Variants in EPHB1 observed in about 807,000 individuals in gnomAD.
EPHB1 encodes EPH receptor B1.
Under a neutral mutation model 94.4 loss-of-function variants are expected in EPHB1, and 30 were observed. The ratio of observed to expected loss-of-function variants is 0.32; its 90% CI spans 0.24 to 0.43. EPHB1 has a LOEUF of 0.43. EPHB1 is among the 20% of genes least tolerant of loss of function. The pLI is 1.00. For synonymous variants in EPHB1, 522 were observed against 489.1 expected (o/e 1.07, Z -0.89); for missense variants, 1,055 against 1,308.3 (o/e 0.81, Z 2.99).
intron 15 of EPHB1, among the ~76,000 whole-genome samples, chr3:135,250,619 A>C (rs575050271): frequency 6.6e-6 from 1 of 152,220 alleles, no homozygotes; most frequent in South Asian, 2.1e-4. Context: ...GAACCACTGG[A>C]TTAAGGTTGG....
rs527291351 is a variant in EPHB1 at position 135,224,191 on chromosome 3, A to C, written c.2347-16957A>C. 3.9e-5 allele frequency among the ~76,000 whole-genome samples: 6 copies of C among 152,358 alleles called. No homozygotes were observed. In the South Asian group the frequency reaches 1.2e-3, roughly 32 times the overall value. Reference sequence around the variant, plus strand: ...AGCACATACACTCTAAGATATTTGCACAACAACGAAATCATCTAACAACAT... The same window carrying C: ...AGCACATACACTCTAAGATATTTGCCCAACAACGAAATCATCTAACAACAT... On this transcript the variant is annotated intron_variant, in intron 12 of 15. Transcript: ENST00000398015.
intron 6 of EPHB1, among the ~76,000 whole-genome samples, chr3:135,160,891 C>A (rs1371235038): frequency 1.3e-5 from 2 of 152,058 alleles, no homozygotes; most frequent in Non-Finnish European, 2.9e-5. Context: ...AAGAAAAGAG[C>A]CTAAGCAAAT....
chr3:135,222,589 G>C (rs1380589693), intron 12 of EPHB1, among the ~76,000 whole-genome samples: 1 of 152,192 alleles, frequency 6.6e-6, no homozygotes, highest in Non-Finnish European at 1.5e-5. Flanking sequence ...GTGGTTTCCA[G>C]AGCCACTGTG....
At chr3:134,931,594 C>T (rs1248911336) in intron 2 of EPHB1, among the ~76,000 whole-genome samples, 1 of 152,112 alleles carries the variant, frequency 6.6e-6, no homozygotes, top group African/African-American at 2.4e-5. Flanking sequence ...GTAACACTGG[C>T]AGATCTTCAC....
intron 1 of EPHB1, among the ~76,000 whole-genome samples, chr3:134,877,093 G>T (rs989317209): frequency 2.6e-5 from 4 of 152,212 alleles, no homozygotes; most frequent in African/African-American, 9.7e-5. Context: ...GCCATGCTGA[G>T]CAGAGTCTGG....
At chr3:135,092,506 C>T (rs1332811415) in intron 3 of EPHB1, among the ~76,000 whole-genome samples, 1 of 152,196 alleles carries the variant, frequency 6.6e-6, no homozygotes, top group African/African-American at 2.4e-5. Flanking sequence ...CCCTGCTCTG[C>T]CCTCTGAGAA....
At chr3:135,257,891 C>A (rs1933476875) in intron 15 of EPHB1, among the ~76,000 whole-genome samples, 1 of 151,680 alleles carries the variant, frequency 6.6e-6, no homozygotes, top group African/African-American at 2.4e-5. Flanking sequence ...ACCCTCCGAG[C>A]CAGGTGTGGG....
chr3:134,820,513 G>T (rs2036359776), intron 1 of EPHB1, among the ~76,000 whole-genome samples: 2 of 152,168 alleles, frequency 1.3e-5, no homozygotes, highest in South Asian at 4.1e-4. Context: ...ATGCTTAAAG[G>T]TAACTTTTTA....
At chr3:135,088,397 C>A (rs188177940) in intron 3 of EPHB1, among the ~76,000 whole-genome samples, 15 of 152,266 alleles carry the variant, frequency 9.9e-5, no homozygotes, top group African/African-American at 3.4e-4. Context: ...CATATAGTTT[C>A]ATCGAAAAGA....
At chr3:134,991,488 C>T (rs191477055) in intron 3 of EPHB1, among the ~76,000 whole-genome samples, 3 of 152,070 alleles carry the variant, frequency 2.0e-5, no homozygotes, top group South Asian at 4.2e-4. Flanking sequence ...TGTTTCCATA[C>T]GGGCATCAGC....
At chr3:135,198,406 T>C (rs990328728) in intron 11 of EPHB1, among the ~76,000 whole-genome samples, 1 of 152,246 alleles carries the variant, frequency 6.6e-6, no homozygotes, top group Non-Finnish European at 1.5e-5. Flanking sequence ...TCTGTAAGTA[T>C]TATGTGCCAT....
intron 3 of EPHB1, among the ~76,000 whole-genome samples, chr3:135,088,822 C>T (rs555616689): frequency 7.5e-4 from 114 of 152,310 alleles, no homozygotes; most frequent in Non-Finnish European, 1.5e-3. Context: ...AAATAGAAAA[C>T]ATTAGCAAGG....
At chr3:134,854,673 T>C (rs1197046409) in intron 1 of EPHB1, among the ~76,000 whole-genome samples, 4 of 152,258 alleles carry the variant, frequency 2.6e-5, no homozygotes, top group African/African-American at 9.6e-5. Context: ...CCGTGACCCG[T>C]GTAACTGATC....
chr3:135,251,735 G>C (rs1933108758), intron 15 of EPHB1, among the ~76,000 whole-genome samples: 1 of 152,232 alleles, frequency 6.6e-6, no homozygotes, highest in Non-Finnish European at 1.5e-5. Context: ...CTGACTACCA[G>C]CTGAAAAGGG....
At position 134,815,376 on chromosome 3, in the gene EPHB1, G is replaced by T. The variant is rs527643767; in HGVS notation, c.58+19687G>T. Among the ~76,000 whole-genome samples, 12 of 151,822 alleles carry T rather than the reference G, an allele frequency of 7.9e-5. No homozygotes were observed. In the South Asian group the frequency reaches 1.0e-3, roughly 13 times the overall value. On this transcript the variant is annotated intron_variant, in intron 1 of 15. Coordinates refer to ENST00000398015, the MANE Select transcript of EPHB1 (RefSeq NM_004441.5). Reference sequence around the variant, plus strand: ...GAGGAAAATAAACAGATGAATGTGTGTATATAATATAATAAATGTGTATAT... The same window carrying T: ...GAGGAAAATAAACAGATGAATGTGTTTATATAATATAATAAATGTGTATAT...
intron 1 of EPHB1, among the ~76,000 whole-genome samples, chr3:134,888,506 G>A (rs1182686530): frequency 6.6e-6 from 1 of 151,930 alleles, no homozygotes; most frequent in Admixed American, 6.6e-5. Context: ...TCAGGAGATC[G>A]AGACCATCCT....
intron 11 of EPHB1, among the ~76,000 whole-genome samples, chr3:135,196,263 A>C (rs1317116305): frequency 4.6e-5 from 7 of 152,018 alleles, no homozygotes; most frequent in African/African-American, 1.7e-4. Flanking sequence ...AGGTTGCGAA[A>C]ATTTTCTCCC....
chr3:134,999,730 G>T (rs1935115247), intron 3 of EPHB1, among the ~76,000 whole-genome samples: 1 of 152,178 alleles, frequency 6.6e-6, no homozygotes, highest in Non-Finnish European at 1.5e-5. Context: ...AGCAGAAGAA[G>T]CTTGTAGACA....
intron 12 of EPHB1, among the ~76,000 whole-genome samples, chr3:135,214,837 AAG>A (rs1439999569): frequency 1.3e-5 from 2 of 152,184 alleles, no homozygotes; most frequent in Non-Finnish European, 2.9e-5. Flanking sequence ...TCGCCTGAGA[AAG>A]GGGCAAAAAG....
Sources: allele counts gnomAD v4.1 joint callset (sites outside exome capture counted in the v4.1 genomes callset), GRCh38; gene constraint gnomAD v4.1.1; transcripts MANE v1.5; gene names NCBI Gene and HGNC (gene_info 2026-07-23, HGNC 2026-07-21).